The following DEDD variants were observed in gnomAD, a reference collection of about 807,000 sequenced individuals.
DEDD encodes death effector domain-containing protein.
A neutral mutation model predicts 29.2 loss-of-function variants in DEDD; 3 were observed. The ratio of observed to expected loss-of-function variants is 0.10; its 90% confidence interval spans 0.05 to 0.27. The LOEUF (loss-of-function observed/expected upper bound fraction) is 0.27. Among genes scored for constraint, DEDD ranks in the 10% least tolerant of loss-of-function variants. DEDD has a pLI of 1.00. For synonymous variants in DEDD, 152 were observed against 161.3 expected (o/e 0.94, Z 0.44); for missense variants, 261 against 420.5 (o/e 0.62, Z 3.32).
intron 1 of DEDD, among the ~76,000 whole-genome samples, chr1:161,131,371 T>C (rs966369787): frequency 7.2e-5 from 11 of 152,168 alleles, no homozygotes; most frequent in African/African-American, 2.7e-4. Flanking sequence ...GGGAAAAGTT[T>C]TTCTACATAC....
Position 161,132,654 on chromosome 1 carries a change from GCC to G in DEDD, c.-203_-202del. 6.0e-6 allele frequency: 1 copy of G among 167,208 alleles called. No homozygotes were observed. The highest frequency in any genetic ancestry group is 1.3e-5 in the Non-Finnish European group (1 of 79,982). 10.4% of individuals were successfully genotyped at this position (167,208 alleles called of 1,614,324 possible). On this transcript the variant is annotated 5_prime_UTR_variant, in exon 1 of 6. Coordinates refer to ENST00000368006, the MANE Select transcript of DEDD (RefSeq NM_032998.3). ...GGCTCCAGCAGCCGCCGCCGCCGCC[GCC>G]GCCGCGGCCGTGGGGGAGGGGACAG...
Position 161,123,061 on chromosome 1 carries a change from T to G in DEDD, c.580+14A>C, listed in dbSNP as rs750781889. On this transcript the variant is annotated intron_variant, in intron 5 of 5. Transcript: ENST00000368006. The stretch of plus-strand genomic sequence containing the variant: ...CAAGTCTGCTCCATCTCTGGAACCC[T>G]TGAACTTCCTCACCACATGTCTGCT... 1.2e-6 allele frequency: 2 copies of G among 1,614,214 alleles called. No homozygotes were observed. Among genetic ancestry groups the G allele is most frequent in the Non-Finnish European group, 1.7e-6 (2 of 1,180,034 alleles).
In DEDD at chr1:161,131,319, A is replaced by G. The variant is rs2101767711; in HGVS notation, c.-97-472T>C. 2 of 152,364 alleles carry G rather than the reference A, an allele frequency of 1.3e-5. 1 individual carries two copies. Among genetic ancestry groups the G allele is most frequent in the Middle Eastern group, 6.8e-3 (2 of 294 alleles). 9.4% of individuals were successfully genotyped at this position (152,364 alleles called of 1,614,324 possible). A position where few individuals can be genotyped will look rare whatever the true frequency, so the allele number is the denominator to read the frequency against. On this transcript the variant is annotated intron_variant, in intron 1 of 5. Coordinates refer to ENST00000368006, the MANE Select transcript of DEDD (RefSeq NM_032998.3). ...AACTAGCACACAATGAGAACAAAAT[A>G]TCTAATGGCGCAGCATCCACTCATA...
rs926267043 is a variant in DEDD at position 161,123,175 on chromosome 1, C to A, written c.480G>T (p.Gln160His). The change falls in exon 5 of 6, where the codon CAG becomes CAT. Residue 160 changes from glutamine (Q) to histidine (H), a missense_variant. This residue lies in a region of DEDD where 203 missense variants were observed against 268.7 expected (regional missense o/e 0.76). Transcript: ENST00000368006. Reference protein sequence around the residue: ...PVVCCPTSGPQMCSKRPARGR... With the variant: ...PVVCCPTSGPHMCSKRPARGR... ...CTCGGGCTGGCCGCTTGCTACACAT[C>A]TGAGGACCCGAAGTGGGGCAACACA... 2.5e-6 allele frequency: 4 copies of A among 1,614,068 alleles called. No individual in the cohort carries two copies. Among genetic ancestry groups the A allele is most frequent in the Non-Finnish European group, 3.4e-6 (4 of 1,180,036 alleles).
chr1:161,122,576 T>G lies in DEDD; in HGVS notation c.581-53A>C, dbSNP rs1380240767. 6.4e-7 allele frequency: 1 copy of G among 1,568,826 alleles called. No individual in the cohort carries two copies. Among genetic ancestry groups the G allele is most frequent in the Non-Finnish European group, 8.6e-7 (1 of 1,157,222 alleles). ...AAGAGGTTACAGTAAGGGATGAGTT[T>G]ACAAGCCAAGCTTGAAAACTGAAAA... On this transcript the variant is annotated intron_variant, in intron 5 of 5. Coordinates refer to ENST00000368006, the MANE Select transcript of DEDD (RefSeq NM_032998.3). This position sits in a 1 kb window ranked among gnomAD's most constrained non-coding sequence, Gnocchi z 4.2.
chr1:161,122,080 C>T lies in DEDD; in HGVS notation c.*67G>A. The T allele has an allele frequency of 6.4e-7, 1 of 1,572,964 alleles. No homozygotes were observed. Among genetic ancestry groups the T allele is most frequent in the Non-Finnish European group, 8.6e-7 (1 of 1,160,000 alleles). ...TTGGTTGGAAGGGTAGAGAACAAAC[C>T]CCAGAACAGTGTAAGCTCCAGAGGT... On this transcript the variant is annotated 3_prime_UTR_variant, in exon 6 of 6. Transcript: ENST00000368006. This position sits in a 1 kb window ranked among gnomAD's most constrained non-coding sequence, Gnocchi z 4.2.
chr1:161,124,699 C>T, intron 2 of DEDD, 173 bp from the exon 3 acceptor site: 1 of 831,236 alleles, frequency 1.2e-6, no homozygotes, highest in Non-Finnish European at 1.7e-6. Flanking sequence ...CAGGGGCTCA[C>T]ACCTGTAATC....
intron 4 of DEDD, 26 bp from the exon 5 acceptor site, chr1:161,123,247 A>C (rs1481005918): frequency 1.9e-6 from 3 of 1,602,330 alleles, no homozygotes; most frequent in Admixed American, 1.7e-5. Context: ...AAGGGAAGAA[A>C]ACACAGTAGG....
At chr1:161,127,048 C>T (rs182196098) in intron 2 of DEDD, among the ~76,000 whole-genome samples, 1 of 152,142 alleles carries the variant, frequency 6.6e-6, no homozygotes, top group Non-Finnish European at 1.5e-5. Flanking sequence ...CCCATTAGAT[C>T]CTACTCAACT....
intron 2 of DEDD, among the ~76,000 whole-genome samples, chr1:161,129,255 C>A (rs746489531): frequency 6.6e-6 from 1 of 152,182 alleles, no homozygotes; most frequent in Non-Finnish European, 1.5e-5. Context: ...CCACTTAATG[C>A]AACCCAGATA....
intron 2 of DEDD, among the ~76,000 whole-genome samples, chr1:161,127,314 C>CA (rs1656278480): frequency 6.6e-6 from 1 of 152,214 alleles, no homozygotes; most frequent in Non-Finnish European, 1.5e-5. Context: ...CACACCATAC[C>CA]ACACCACTCT....
At chr1:161,128,932 A>G (rs1380826775) in intron 2 of DEDD, among the ~76,000 whole-genome samples, 1 of 152,176 alleles carries the variant, frequency 6.6e-6, no homozygotes, top group African/African-American at 2.4e-5. Flanking sequence ...CAGCTGAGGA[A>G]CAGGTGGTAG....
In DEDD at chr1:161,124,334, G is replaced by A. The variant is rs752399756; in HGVS notation, c.129C>T (p.Arg43=). The A allele has an allele frequency of 5.6e-6, 9 of 1,614,122 alleles. No homozygotes were observed. The highest frequency in any genetic ancestry group is 4.5e-5 in the East Asian group (2 of 44,894). The change falls in exon 3 of 6, where the codon CGC becomes CGT. Residue 43 remains arginine (R), a synonymous_variant. Transcript: ENST00000368006. ...CATCAACAAAGAGGAAAGAAAGCAC[G>A]CGCACATCTCTGTGTGTCAGATGAG... is the stretch of plus-strand genomic sequence containing the variant. ...VGTHLTHRDV[R]VLSFLFVDVI... is the part of the protein sequence containing the mutation.
chr1:161,129,106 A>C (rs1162763980), intron 2 of DEDD, among the ~76,000 whole-genome samples: 1 of 152,226 alleles, frequency 6.6e-6, no homozygotes, highest in Non-Finnish European at 1.5e-5. Context: ...GATGAGCAGC[A>C]AATTCTCCTT....
In DEDD at chr1:161,125,896, G is replaced by T. The variant is rs567485442; in HGVS notation, c.-64-1370C>A. Among the ~76,000 whole-genome samples the T allele has an allele frequency of 2.0e-4, 30 of 152,240 alleles. No individual in the cohort carries two copies. In the East Asian group the frequency reaches 5.4e-3, roughly 27 times the overall value. The stretch of plus-strand genomic sequence containing the variant: ...AGCTCCACATTCGTTATATAGTTTG[G>T]CTCTTGATTCACAAAGTTCCTCCAT... On this transcript the variant is annotated intron_variant, in intron 2 of 5. Coordinates refer to ENST00000368006, the MANE Select transcript of DEDD (RefSeq NM_032998.3).
chr1:161,123,714 T>A, intron 4 of DEDD, 125 bp downstream of exon 4: 6 of 821,848 alleles, frequency 7.3e-6, no homozygotes, highest in Non-Finnish European at 1.2e-5. Flanking sequence ...CTGATTTTTT[T>A]TTTTTATGGG....
Position 161,121,370 on chromosome 1 carries a change from A to T in DEDD, c.*777T>A, listed in dbSNP as rs1175471583. ...TTTATTTTCACTTGAACATGGAAAGAAAGTGTCACACTCCCCCTTCCCCTT... is the reference window on the plus strand; with the variant it reads ...TTTATTTTCACTTGAACATGGAAAGTAAGTGTCACACTCCCCCTTCCCCTT... On this transcript the variant is annotated 3_prime_UTR_variant, in exon 6 of 6. Coordinates refer to ENST00000368006, the MANE Select transcript of DEDD (RefSeq NM_032998.3). The T allele has an allele frequency of 1.2e-5, 2 of 169,146 alleles. No homozygotes were observed. The highest frequency in any genetic ancestry group is 1.9e-4 in the East Asian group (1 of 5,270). 10.5% of individuals were successfully genotyped at this position (169,146 alleles called of 1,614,324 possible).
At position 161,121,060 on chromosome 1, in the gene DEDD, A is replaced by G; in HGVS notation, c.*1087T>C. Reference sequence around the variant, plus strand: ...ACTGGCATTGAAAAATATAATAATCATAAAGTCTGTGTCTGGACATCGCCT... The same window carrying G: ...ACTGGCATTGAAAAATATAATAATCGTAAAGTCTGTGTCTGGACATCGCCT... On this transcript the variant is annotated 3_prime_UTR_variant, in exon 6 of 6. Transcript: ENST00000368006. 8.1e-7 allele frequency: 1 copy of G among 1,241,948 alleles called. No individual in the cohort carries two copies. The allele number at this position is 1,241,948 out of a possible 1,614,324, so 76.9% of individuals were successfully genotyped here.
intron 2 of DEDD, among the ~76,000 whole-genome samples, chr1:161,126,429 C>CGCCTCCCTGCAACCTCT (rs1656181095): frequency 6.6e-6 from 1 of 151,338 alleles, no homozygotes; most frequent in African/African-American, 2.4e-5. Context: ...CTGCAACCTC[C>CGCCTCCCTGCAACCTCT]GCCTCCCAGG....
Sources: gnomAD v4.1 joint callset for allele counts (sites outside exome capture counted in the v4.1 genomes callset) on GRCh38, gnomAD v4.1.1 for gene constraint, gnomAD v4.1.1 regional missense constraint, Gnocchi (gnomAD v3.1) non-coding constraint, MANE v1.5 for transcripts, NCBI Gene and HGNC (gene_info 2026-07-23, HGNC 2026-07-21) for gene names.